MKLN1: variants seen among roughly 807,000 people sequenced by gnomAD.
MKLN1 encodes the protein muskelin.
MKLN1 carries 18 observed loss-of-function variants against 99.0 expected under a neutral mutation model. The ratio of observed to expected loss-of-function variants is 0.18; its 90% confidence interval spans 0.13 to 0.27. The LOEUF (loss-of-function observed/expected upper bound fraction) is 0.27. MKLN1 is among the 10% of genes least tolerant of loss of function. The probability of loss-of-function intolerance (pLI) is 1.00; values close to 1 mark genes in which losing one functional copy is unlikely to be tolerated. For synonymous variants in MKLN1, 288 were observed against 293.2 expected (o/e 0.98, Z 0.18); for missense variants, 621 against 875.9 (o/e 0.71, Z 3.67).
chr7:131,268,559 T>C (rs554701865), intron 3 of MKLN1, among the ~76,000 whole-genome samples: 1 of 152,306 alleles, frequency 6.6e-6, no homozygotes, highest in South Asian at 2.1e-4. Context: ...GGCTCTGTCT[T>C]CCGTGGGGTT....
intron 5 of MKLN1, among the ~76,000 whole-genome samples, chr7:131,398,702 G>GA (rs371039357): frequency 4.4e-4 from 61 of 139,852 alleles, no homozygotes; most frequent in South Asian, 9.0e-4. Flanking sequence ...AAAAAAGAAA[G>GA]AAAAAAAAAA....
chr7:131,173,975 T>C (rs1172570751), intron 2 of MKLN1, among the ~76,000 whole-genome samples: 52 of 99,132 alleles, frequency 5.2e-4, no homozygotes, highest in South Asian at 7.4e-4. Context: ...TTTCTTTTTC[T>C]TTTTTTTTTT....
At chr7:131,281,037 AT>A (rs1296801174) in intron 3 of MKLN1, among the ~76,000 whole-genome samples, 1 of 152,050 alleles carries the variant, frequency 6.6e-6, no homozygotes, top group Non-Finnish European at 1.5e-5. Flanking sequence ...AGAACAAAAG[AT>A]TTTACTTTTG....
intron 2 of MKLN1, among the ~76,000 whole-genome samples, chr7:131,145,118 C>T (rs1047044199): frequency 1.3e-5 from 2 of 152,116 alleles, no homozygotes; most frequent in East Asian, 3.8e-4. Context: ...CATTGATGGC[C>T]TGCCGAACAA....
rs34255726 is a variant in MKLN1, at chr7:131,245,268, CT to C, written c.-179+42312del. 2.8e-3 allele frequency among the ~76,000 whole-genome samples: 364 copies of C among 129,574 alleles called. 1 individual carries two copies. Among genetic ancestry groups the C allele is most frequent in the Middle Eastern group, 7.9e-3 (2 of 252 alleles). The allele number at this position is 129,574 out of a possible 152,430, so 85.0% of individuals were successfully genotyped here. A position where few individuals can be genotyped will look rare whatever the true frequency, so the allele number is the denominator to read the frequency against. ...TGATCCCATAAGATTATTATACGGT[CT>C]TTTTTTTTTTTTTTTTTGAGACAGA... On this transcript the variant is annotated intron_variant, in intron 3 of 7. Transcript: ENST00000416992.
At chr7:131,363,366 A>C (rs1800085229) in intron 1 of MKLN1, among the ~76,000 whole-genome samples, 1 of 151,948 alleles carries the variant, frequency 6.6e-6, no homozygotes, top group African/African-American at 2.4e-5. Flanking sequence ...TAGAATGTGA[A>C]TCTTATCTCT....
At chr7:131,184,156 G>T (rs1238123443) in intron 2 of MKLN1, among the ~76,000 whole-genome samples, 1 of 151,974 alleles carries the variant, frequency 6.6e-6, no homozygotes, top group African/African-American at 2.4e-5. Context: ...TTTAGAGACA[G>T]GGTCTCACTA....
intron 9 of MKLN1, among the ~76,000 whole-genome samples, chr7:131,431,154 G>A (rs895921771): frequency 6.6e-6 from 1 of 151,836 alleles, no homozygotes; most frequent in South Asian, 2.1e-4. Flanking sequence ...CCCAGGAGGC[G>A]GAGGTTGCAG....
intron 9 of MKLN1, among the ~76,000 whole-genome samples, chr7:131,432,667 C>T (rs1475450379): frequency 2.0e-5 from 3 of 152,086 alleles, no homozygotes; most frequent in African/African-American, 2.4e-5. Flanking sequence ...AGGATGGTCT[C>T]GATCTCTTGA....
intron 3 of MKLN1, among the ~76,000 whole-genome samples, chr7:131,235,970 A>T (rs1007055077): frequency 6.6e-6 from 1 of 152,186 alleles, no homozygotes; most frequent in African/African-American, 2.4e-5. Flanking sequence ...GTGTGCCCAG[A>T]TCGAGTTATA....
chr7:131,378,676 A>G (rs990131857), intron 2 of MKLN1, among the ~76,000 whole-genome samples: 1 of 152,102 alleles, frequency 6.6e-6, no homozygotes, highest in Admixed American at 6.5e-5. Context: ...CAAAAAATAC[A>G]AAAAGTAGTC....
At chr7:131,458,721 A>G (rs1164986114) in intron 12 of MKLN1, among the ~76,000 whole-genome samples, 1 of 151,994 alleles carries the variant, frequency 6.6e-6, no homozygotes, top group Non-Finnish European at 1.5e-5. Flanking sequence ...ACATATATAT[A>G]TATATGTAGT....
intron 1 of MKLN1, among the ~76,000 whole-genome samples, chr7:131,127,105 C>T (rs907982475): frequency 2.0e-5 from 3 of 148,720 alleles, no homozygotes; most frequent in Admixed American, 6.8e-5. Context: ...GCGGAGGCTG[C>T]GGTGAGCCGA....
At chr7:131,147,552 G>T (rs1795832972) in intron 2 of MKLN1, among the ~76,000 whole-genome samples, 1 of 152,118 alleles carries the variant, frequency 6.6e-6, no homozygotes, top group South Asian at 2.1e-4. Context: ...TAGAATATCT[G>T]CGACTCTGTT....
chr7:131,253,423 G>C (rs934608116), intron 3 of MKLN1, among the ~76,000 whole-genome samples: 1 of 152,158 alleles, frequency 6.6e-6, no homozygotes, highest in African/African-American at 2.4e-5. Context: ...GCCAAGAGGT[G>C]GGTGATCCCA....
intron 2 of MKLN1, among the ~76,000 whole-genome samples, chr7:131,201,316 G>T (rs970851020): frequency 6.6e-6 from 1 of 152,068 alleles, no homozygotes; most frequent in East Asian, 1.9e-4. Context: ...CACCATGCCC[G>T]GCCCCACTTC....
At chr7:131,290,739 A>T (rs895301537) in intron 3 of MKLN1, among the ~76,000 whole-genome samples, 1 of 152,242 alleles carries the variant, frequency 6.6e-6, no homozygotes, top group Non-Finnish European at 1.5e-5. Context: ...CTCCCCAAAG[A>T]TATTTAAAGG....
chr7:131,287,683 T>A (rs1165972682), intron 3 of MKLN1, among the ~76,000 whole-genome samples: 1 of 151,996 alleles, frequency 6.6e-6, no homozygotes, highest in Non-Finnish European at 1.5e-5. Flanking sequence ...AGAATATCAT[T>A]CAACCCATTA....
chr7:131,171,241 C>A (rs1322184994), intron 2 of MKLN1, among the ~76,000 whole-genome samples: 1 of 151,984 alleles, frequency 6.6e-6, no homozygotes, highest in East Asian at 1.9e-4. Context: ...AAGCTAGCCA[C>A]AGGACAGAGT....
Sources: gnomAD v4.1 joint callset for allele counts (sites outside exome capture counted in the v4.1 genomes callset) on GRCh38, gnomAD v4.1.1 for gene constraint, MANE v1.5 for transcripts, NCBI Gene and HGNC (gene_info 2026-07-23, HGNC 2026-07-21) for gene names.